The following WWOX variants were observed in gnomAD, a reference collection of about 807,000 sequenced individuals.
WWOX encodes WW domain containing oxidoreductase, also known as WW domain-containing oxidoreductase.
A neutral mutation model predicts 46.2 loss-of-function variants in WWOX; 69 were observed. The ratio of observed to expected loss-of-function variants is 1.49; its 90% CI spans 1.23 to 1.82. WWOX has a LOEUF of 1.82. Among genes scored for constraint, WWOX ranks in the 40% most tolerant of loss-of-function variants. WWOX has a pLI of 0.00. For synonymous variants in WWOX, 359 were observed against 202.6 expected (o/e 1.77, Z -6.56); for missense variants, 919 against 542.6 (o/e 1.69, Z -6.89).
chr16:78,610,490 T>G (rs962231061), intron 8 of WWOX, among the ~76,000 whole-genome samples: 2 of 152,210 alleles, frequency 1.3e-5, no homozygotes, highest in Non-Finnish European at 2.9e-5. Flanking sequence ...CAATACTCAT[T>G]CCTTTAAAGC....
At chr16:78,497,253 C>G (rs1178027010) in intron 8 of WWOX, among the ~76,000 whole-genome samples, 1 of 152,170 alleles carries the variant, frequency 6.6e-6, no homozygotes, top group Non-Finnish European at 1.5e-5. Flanking sequence ...CTGATTCTAG[C>G]TTTTCCTCCA....
At chr16:78,608,856 G>C (rs923797758) in intron 8 of WWOX, among the ~76,000 whole-genome samples, 1 of 152,150 alleles carries the variant, frequency 6.6e-6, no homozygotes, top group African/African-American at 2.4e-5. Flanking sequence ...CAAAGGGTCA[G>C]GTGGTCTTAA....
At chr16:78,784,825 C>T (rs919571322) in intron 8 of WWOX, among the ~76,000 whole-genome samples, 2 of 152,118 alleles carry the variant, frequency 1.3e-5, no homozygotes, top group African/African-American at 4.8e-5. Flanking sequence ...CCCAAGGATC[C>T]CCAAGGGATA....
chr16:78,183,006 C>T (rs1283910735), intron 5 of WWOX, among the ~76,000 whole-genome samples: 1 of 150,878 alleles, frequency 6.6e-6, no homozygotes, highest in African/African-American at 2.4e-5. Flanking sequence ...CCCAAGAACT[C>T]ATGGTCCAAG....
intron 8 of WWOX, among the ~76,000 whole-genome samples, chr16:78,865,135 A>G (rs1284681199): frequency 6.6e-6 from 1 of 152,174 alleles, no homozygotes; most frequent in Non-Finnish European, 1.5e-5. Context: ...ATATGTTAAT[A>G]TGTAAAATAA....
chr16:79,173,986 T>G (rs139538291), intron 8 of WWOX, among the ~76,000 whole-genome samples: 19 of 152,304 alleles, frequency 1.2e-4, no homozygotes, highest in Non-Finnish European at 2.6e-4. Context: ...GCCTCCCTAG[T>G]GAAATCTGTG....
At chr16:78,443,991 A>G (rs1364247236) in intron 8 of WWOX, among the ~76,000 whole-genome samples, 1 of 152,074 alleles carries the variant, frequency 6.6e-6, no homozygotes, top group Non-Finnish European at 1.5e-5. Flanking sequence ...GTGAACAGTG[A>G]TTTTTGTATA....
chr16:78,600,541 C>T (rs1352420428), intron 8 of WWOX, among the ~76,000 whole-genome samples: 2 of 152,072 alleles, frequency 1.3e-5, no homozygotes, highest in Non-Finnish European at 2.9e-5. Context: ...GGCAGGATAC[C>T]ACTTCTCCTA....
chr16:78,726,032 T>A (rs1298352677), intron 8 of WWOX, among the ~76,000 whole-genome samples: 3 of 144,288 alleles, frequency 2.1e-5, no homozygotes, highest in Non-Finnish European at 4.6e-5. Flanking sequence ...CTAGTTCTCC[T>A]CCTTTCTTCT....
chr16:78,311,130 AAAAG>A (rs1357671337), intron 5 of WWOX, among the ~76,000 whole-genome samples: 24 of 152,122 alleles, frequency 1.6e-4, no homozygotes, highest in African/African-American at 3.9e-4. Flanking sequence ...GGGTTAAAGA[AAAAG>A]AAAGGGGGGC....
intron 8 of WWOX, among the ~76,000 whole-genome samples, chr16:78,498,248 A>C (rs980797563): frequency 2.0e-5 from 3 of 151,672 alleles, no homozygotes; most frequent in Non-Finnish European, 4.4e-5. Context: ...TGTCACCATG[A>C]AGCAGGAGGA....
intron 5 of WWOX, among the ~76,000 whole-genome samples, chr16:78,192,498 A>AAAG (rs1249515487): frequency 1.3e-5 from 2 of 151,506 alleles, no homozygotes; most frequent in Admixed American, 6.6e-5. Flanking sequence ...TCTCAAAAAA[A>AAAG]AAAAAAAAAA....
intron 8 of WWOX, among the ~76,000 whole-genome samples, chr16:79,145,758 G>C (rs561084909): frequency 2.3e-4 from 35 of 152,198 alleles, no homozygotes; most frequent in African/African-American, 8.2e-4. Flanking sequence ...GAGTTGGCTA[G>C]ATGTAAGGTA....
intron 6 of WWOX, among the ~76,000 whole-genome samples, chr16:78,416,158 G>A (rs1292812082): frequency 6.6e-6 from 1 of 152,154 alleles, no homozygotes; most frequent in Non-Finnish European, 1.5e-5. Context: ...ATCAGTTTTT[G>A]GAAGGATACT....
chr16:78,494,065 G>T (rs568534546), intron 8 of WWOX, among the ~76,000 whole-genome samples: 1 of 152,264 alleles, frequency 6.6e-6, no homozygotes, highest in South Asian at 2.1e-4. Flanking sequence ...CTCTCGGGAG[G>T]CCTCAGGAAA....
Position 78,787,021 on chromosome 16 carries a change from G to A in WWOX, c.1056+354269G>A, listed in dbSNP as rs545806477. ...AAATTAGCCAGGTGTGGTGCTGGGT[G>A]CCTGTAATCCCAGGTATTCAGGAGG... On this transcript the variant is annotated intron_variant, in intron 8 of 8. Coordinates refer to ENST00000566780, the MANE Select transcript of WWOX (RefSeq NM_016373.4). Among the ~76,000 whole-genome samples, 110 of 152,218 alleles carry A rather than the reference G, an allele frequency of 7.2e-4. 1 individual carries two copies. In the South Asian group the frequency reaches 7.3e-3, roughly 10 times the overall value.
chr16:78,334,438 G>C (rs138707103), intron 5 of WWOX, among the ~76,000 whole-genome samples: 16 of 152,268 alleles, frequency 1.1e-4, no homozygotes, highest in Admixed American at 5.9e-4. Flanking sequence ...TGAGCTATGA[G>C]TGAACCATTA....
intron 4 of WWOX, among the ~76,000 whole-genome samples, chr16:78,126,854 C>G (rs1342678431): frequency 6.6e-6 from 1 of 152,174 alleles, no homozygotes; most frequent in Non-Finnish European, 1.5e-5. Flanking sequence ...ACACAGTAGG[C>G]AAGATTTGAT....
At chr16:78,980,661 C>T (rs1187446773) in intron 8 of WWOX, among the ~76,000 whole-genome samples, 2 of 152,186 alleles carry the variant, frequency 1.3e-5, no homozygotes, top group African/African-American at 4.8e-5. Flanking sequence ...AGGAACCCCA[C>T]ATGGCATTTC....
Sources: allele counts gnomAD v4.1 joint callset (sites outside exome capture counted in the v4.1 genomes callset), GRCh38; gene constraint gnomAD v4.1.1; transcripts MANE v1.5; gene names NCBI Gene and HGNC (gene_info 2026-07-23, HGNC 2026-07-21).